The following TYW1B variants were observed in gnomAD, a reference collection of about 807,000 sequenced individuals.
The protein encoded by TYW1B is S-adenosyl-L-methionine-dependent tRNA 4-demethylwyosine synthase TYW1B.
TYW1B carries 73 observed loss-of-function variants against 86.9 expected under a neutral mutation model. The ratio of observed to expected loss-of-function variants is 0.84; its 90% CI spans 0.70 to 1.02. The LOEUF is 1.02. Among genes scored for constraint, TYW1B ranks in the 50% least tolerant of loss-of-function variants. The pLI, the probability that TYW1B is intolerant of heterozygous loss-of-function variation, is 0.00. For missense variants in TYW1B, 637 were observed against 827.4 expected (o/e 0.77, Z 2.82); for synonymous variants, 248 against 292.8 (o/e 0.85, Z 1.56).
chr7:72,632,329 A>ACGTG (rs1554439967), intron 11 of TYW1B, among the ~76,000 whole-genome samples: 159 of 120,856 alleles, frequency 1.3e-3, no homozygotes, highest in African/African-American at 3.8e-3. Context: ...TATTATATAT[A>ACGTG]TATACACGTA....
At chr7:72,613,844 T>C (rs1432087218) in intron 13 of TYW1B, among the ~76,000 whole-genome samples, 1 of 152,270 alleles carries the variant, frequency 6.6e-6, no homozygotes, top group East Asian at 1.9e-4. Flanking sequence ...AAGTCATGTA[T>C]CAGTTTACAA....
At chr7:72,582,759 G>A (rs1274433817) in intron 13 of TYW1B, among the ~76,000 whole-genome samples, 1 of 152,126 alleles carries the variant, frequency 6.6e-6, no homozygotes, top group Non-Finnish European at 1.5e-5. Context: ...CAAATCCAAC[G>A]CATCTGAAAG....
rs1554476021 is a variant in TYW1B at position 72,802,634 on chromosome 7, T to C, written c.724-112A>G. On this transcript the variant is annotated intron_variant, in intron 5 of 13. Transcript: ENST00000620995. ...ATGTCTCTAAATTCTTTTTTTTTTT[T>C]CTTTGAGACAGGGTCTCGCTCTGTC... 7.0e-5 allele frequency: 87 copies of C among 1,245,598 alleles called. 1 individual carries two copies. The highest frequency in any genetic ancestry group is 8.6e-5 in the Non-Finnish European group (80 of 929,386). The allele number at this position is 1,245,598 out of a possible 1,614,324, so 77.2% of individuals were successfully genotyped here. A position where few individuals can be genotyped will look rare whatever the true frequency, so the allele number is the denominator to read the frequency against.
chr7:72,694,654 G>C (rs782033166), intron 11 of TYW1B, 33 bp downstream of exon 11: 15 of 1,583,868 alleles, frequency 9.5e-6, no homozygotes, highest in Non-Finnish European at 1.3e-5. Flanking sequence ...CCTGAGGGTT[G>C]TTTATTTATT....
chr7:72,628,395 T>G (rs536979494), intron 12 of TYW1B, among the ~76,000 whole-genome samples: 2 of 152,308 alleles, frequency 1.3e-5, no homozygotes, highest in South Asian at 4.1e-4. Flanking sequence ...GTGGTTTGCT[T>G]TAAAATAATC....
rs576437069 is a variant in TYW1B at position 72,802,673 on chromosome 7, C to T, written c.724-151G>A. Among the ~76,000 whole-genome samples, 13 of 151,810 alleles carry T rather than the reference C, an allele frequency of 8.6e-5. No individual in the cohort carries two copies. In the South Asian group the frequency reaches 1.9e-3, roughly 22 times the overall value. ...TCTCGCTCTGTCGCCCAGGCTGGAG[C>T]GCAGTGGCGTCATCTCGGCTCACTG... On this transcript the variant is annotated intron_variant, in intron 5 of 13. Coordinates refer to ENST00000620995, the MANE Select transcript of TYW1B (RefSeq NM_001145440.3).
chr7:72,724,990 G>A (rs34945180), intron 9 of TYW1B, among the ~76,000 whole-genome samples: 3 of 151,968 alleles, frequency 2.0e-5, no homozygotes, highest in Non-Finnish European at 1.5e-5. Flanking sequence ...TCCTCACATC[G>A]TAAGAACCCA....
intron 7 of TYW1B, among the ~76,000 whole-genome samples, chr7:72,746,561 T>TCAATG (rs1229773593): frequency 2.6e-5 from 4 of 152,202 alleles, no homozygotes; most frequent in African/African-American, 7.2e-5. Context: ...GTCCTAAACC[T>TCAATG]CAATGCAATG....
intron 7 of TYW1B, among the ~76,000 whole-genome samples, chr7:72,768,517 G>A (rs534808263): frequency 1.3e-5 from 2 of 152,314 alleles, no homozygotes; most frequent in Admixed American, 1.3e-4. Context: ...GCCAGGCGCG[G>A]TGGCTCACGC....
rs568127943 is a variant in TYW1B at position 72,636,032 on chromosome 7, T to C, written c.1507-7035A>G. Among the ~76,000 whole-genome samples, 148 of 152,266 alleles carry C rather than the reference T, an allele frequency of 9.7e-4. 1 individual carries two copies. The highest frequency in any genetic ancestry group is 3.3e-3 in the African/African-American group (136 of 41,548). On this transcript the variant is annotated intron_variant, in intron 11 of 13. Coordinates refer to ENST00000620995, the MANE Select transcript of TYW1B (RefSeq NM_001145440.3). ...GGCTACCATAATTAAATATAATCAG[T>C]GTATGGAGAAATGATACTTTTACAA...
intron 7 of TYW1B, among the ~76,000 whole-genome samples, chr7:72,766,799 T>C (rs1787779381): frequency 6.6e-6 from 1 of 151,610 alleles, no homozygotes; most frequent in South Asian, 2.1e-4. Context: ...TGGTGGTGCA[T>C]ACCTGTAATC....
At chr7:72,795,764 TC>T (rs1554474368) in intron 6 of TYW1B, among the ~76,000 whole-genome samples, 1 of 110,620 alleles carries the variant, frequency 9.0e-6, no homozygotes, top group East Asian at 2.7e-4. Context: ...GAGTATCTAT[TC>T]CCCAAAGACA....
intron 11 of TYW1B, among the ~76,000 whole-genome samples, chr7:72,637,317 T>G (rs1585866824): frequency 6.6e-6 from 1 of 151,892 alleles, no homozygotes; most frequent in East Asian, 1.9e-4. Context: ...GCAATTTATT[T>G]AACAATTATA....
At chr7:72,806,781 G>A (rs1788502970) in intron 5 of TYW1B, among the ~76,000 whole-genome samples, 1 of 151,910 alleles carries the variant, frequency 6.6e-6, no homozygotes, top group African/African-American at 2.4e-5. Flanking sequence ...CTCCTACGTA[G>A]CTGAGACAAC....
intron 13 of TYW1B, among the ~76,000 whole-genome samples, chr7:72,611,054 T>C (rs553356318): frequency 1.3e-5 from 2 of 152,286 alleles, no homozygotes; most frequent in South Asian, 2.1e-4. Context: ...TGGTTCTCAA[T>C]GTGCCATGTC....
chr7:72,817,254 A>G (rs1467133176), intron 2 of TYW1B, among the ~76,000 whole-genome samples: 4 of 152,010 alleles, frequency 2.6e-5, no homozygotes, highest in Admixed American at 1.3e-4. Flanking sequence ...AAATACAAAA[A>G]TTAGCCGGGA....
At chr7:72,743,933 T>C (rs1787350153) in intron 8 of TYW1B, among the ~76,000 whole-genome samples, 1 of 151,776 alleles carries the variant, frequency 6.6e-6, no homozygotes, top group Non-Finnish European at 1.5e-5. Flanking sequence ...AATTGTGCAA[T>C]TTAGCCATTT....
chr7:72,720,327 G>A (rs1192186911), intron 9 of TYW1B, among the ~76,000 whole-genome samples: 1 of 152,148 alleles, frequency 6.6e-6, no homozygotes, highest in East Asian at 1.9e-4. Flanking sequence ...GAGAGGAAGA[G>A]GGATCAACAA....
In TYW1B at chr7:72,591,765, G is replaced by C. The variant is rs142721959; in HGVS notation, c.1786-16046C>G. On this transcript the variant is annotated intron_variant, in intron 13 of 13. Coordinates refer to ENST00000620995, the MANE Select transcript of TYW1B (RefSeq NM_001145440.3). ...AGATCATAGTAAAGGTAAATATATG[G>C]GCAAATATAAAATTGATTGTTATAG... Among the ~76,000 whole-genome samples, 365 of 152,066 alleles carry C rather than the reference G, an allele frequency of 2.4e-3. 2 individuals are homozygous for C. Among genetic ancestry groups the C allele is most frequent in the African/African-American group, 8.4e-3 (350 of 41,500 alleles).
Sources: allele counts gnomAD v4.1 joint callset (sites outside exome capture counted in the v4.1 genomes callset), GRCh38; gene constraint gnomAD v4.1.1; transcripts MANE v1.5; gene names NCBI Gene and HGNC (gene_info 2026-07-23, HGNC 2026-07-21).